The following MYO5A variants were observed in gnomAD, a reference collection of about 807,000 sequenced individuals.
MYO5A encodes myosin VA.
MYO5A carries 98 observed loss-of-function variants against 249.7 expected under a neutral mutation model. The observed-to-expected ratio is 0.39, with a 90% CI of 0.33 to 0.46. MYO5A has a LOEUF of 0.46. MYO5A is among the 20% of genes least tolerant of loss of function. The pLI is 0.98. For missense variants in MYO5A, 1,696 were observed against 2,308.8 expected, an observed-to-expected ratio of 0.73 and a Z score of 5.44; for synonymous variants, 778 against 810.6, an observed-to-expected ratio of 0.96 and a Z score of 0.68.
chr15:52,466,268 TG>T (rs1327454691), intron 1 of MYO5A, among the ~76,000 whole-genome samples: 1 of 152,002 alleles, frequency 6.6e-6, no homozygotes, highest in Non-Finnish European at 1.5e-5. Context: ...GGCTGGGGCT[TG>T]GGGAACTGAA....
intron 1 of MYO5A, among the ~76,000 whole-genome samples, chr15:52,489,340 G>A (rs903899439): frequency 6.6e-6 from 1 of 152,116 alleles, no homozygotes; most frequent in Non-Finnish European, 1.5e-5. Context: ...CGGGGCGGGC[G>A]GATCACGAGG....
At chr15:52,318,234 T>C (rs568674521) in intron 39 of MYO5A, among the ~76,000 whole-genome samples, 1 of 151,060 alleles carries the variant, frequency 6.6e-6, no homozygotes, top group South Asian at 2.1e-4. Flanking sequence ...GACAGGTGGA[T>C]CACCTGAGGT....
At chr15:52,399,459 T>G (rs1218175185) in intron 9 of MYO5A, among the ~76,000 whole-genome samples, 1 of 152,164 alleles carries the variant, frequency 6.6e-6, no homozygotes, top group Non-Finnish European at 1.5e-5. Flanking sequence ...GTGAATAAAA[T>G]CTTTATCATT....
intron 6 of MYO5A, among the ~76,000 whole-genome samples, chr15:52,409,304 T>C (rs577033752): frequency 6.6e-6 from 1 of 152,282 alleles, no homozygotes; most frequent in African/African-American, 2.4e-5. Context: ...CCCTTAGATC[T>C]ACCTCTGTTT....
Position 52,346,403 on chromosome 15 carries a change from C to T in MYO5A, c.3917G>A (p.Gly1306Asp), listed in dbSNP as rs983508058. Residue 1306 changes from glycine (G) to aspartate (D), a missense_variant, in exon 30 of 42, where the codon GGT becomes GAT. By Grantham distance (94) the Gly-to-Asp change is moderately conservative (BLOSUM62 -1). Around this residue, in one of 5 missense-constraint regions of MYO5A, gnomAD observed 625 missense variants for 908.1 expected, o/e 0.69. Transcript: ENST00000399233. ...ACCAATGTATGCTTGTGCTATTTCACCTTTATCTTTCATTTTTTGTACATC... is the reference window on the plus strand; with the variant it reads ...ACCAATGTATGCTTGTGCTATTTCATCTTTATCTTTCATTTTTTGTACATC... ...LEDVQKMKDK[G>D]EIAQAYIGLK... is the part of the protein sequence containing the mutation. 7 of 1,607,844 alleles carry T rather than the reference C, an allele frequency of 4.4e-6. No individual in the cohort carries two copies. The highest frequency in any genetic ancestry group is 1.7e-5 in the Admixed American group (1 of 59,982).
At chr15:52,433,123 T>C (rs1046975257) in intron 2 of MYO5A, 52 bp downstream of exon 2, 1 of 1,309,876 alleles carries the variant, frequency 7.6e-7, no homozygotes, top group Non-Finnish European at 1.1e-6. Flanking sequence ...ATTTACACTT[T>C]TGAACTCCCT....
rs2037846239 is a variant in MYO5A at position 52,313,408 on chromosome 15, TCTC to T, written c.*285_*287del. ...ATGCTGCCAGCTGAAGACACATTTTTCTCCTCCTTTCCTTCCTCCCTTCCTTCC... is the reference window on the plus strand; with the variant it reads ...ATGCTGCCAGCTGAAGACACATTTTTCTCCTTTCCTTCCTCCCTTCCTTCC... On this transcript the variant is annotated 3_prime_UTR_variant, in exon 42 of 42. Transcript: ENST00000399233. 2 of 408,420 alleles carry T rather than the reference TCTC, an allele frequency of 4.9e-6. No individual in the cohort carries two copies. The highest frequency in any genetic ancestry group is 9.1e-6 in the Non-Finnish European group (2 of 218,628). 25.3% of individuals were successfully genotyped at this position (408,420 alleles called of 1,614,324 possible). A position where few individuals can be genotyped will look rare whatever the true frequency, so the allele number is the denominator to read the frequency against.
At chr15:52,343,945 T>C (rs1254465404) in intron 30 of MYO5A, among the ~76,000 whole-genome samples, 3 of 152,220 alleles carry the variant, frequency 2.0e-5, no homozygotes, top group African/African-American at 7.2e-5. Flanking sequence ...TCTACATTCT[T>C]TCCACATGTA....
At chr15:52,502,223 C>CA (rs2077174086) in intron 1 of MYO5A, among the ~76,000 whole-genome samples, 2 of 152,082 alleles carry the variant, frequency 1.3e-5, no homozygotes, top group Admixed American at 1.3e-4. Context: ...TCAGAGGTTA[C>CA]AGTGAGCCAA....
intron 1 of MYO5A, among the ~76,000 whole-genome samples, chr15:52,448,813 C>T (rs1173427649): frequency 6.6e-6 from 1 of 152,076 alleles, no homozygotes; most frequent in African/African-American, 2.4e-5. Flanking sequence ...TTCCCTTAAC[C>T]TTCTGCCATG....
chr15:52,451,930 C>A (rs150541002), intron 1 of MYO5A, among the ~76,000 whole-genome samples: 69 of 152,308 alleles, frequency 4.5e-4, no homozygotes, highest in African/African-American at 1.5e-3. Context: ...CTGATGCCCA[C>A]AGCCCAACAT....
chr15:52,422,391 C>T (rs1367090301), intron 4 of MYO5A, among the ~76,000 whole-genome samples: 1 of 152,118 alleles, frequency 6.6e-6, no homozygotes, highest in Non-Finnish European at 1.5e-5. Context: ...ACTCTGCTCC[C>T]TTCCCCCTAC....
chr15:52,469,351 C>T (rs541233362), intron 1 of MYO5A, among the ~76,000 whole-genome samples: 103 of 151,998 alleles, frequency 6.8e-4, no homozygotes, highest in Non-Finnish European at 7.7e-4. Flanking sequence ...CATATTTTTA[C>T]AATAAAGTAA....
At chr15:52,340,421 GGGGAGACGA>G in intron 31 of MYO5A, 27 bp from the exon 32 acceptor site, 1 of 1,605,640 alleles carries the variant, frequency 6.2e-7, no homozygotes, top group South Asian at 1.1e-5. Context: ...TGGGTCGGAA[GGGGAGACGA>G]CACCCCGAGT....
In MYO5A at chr15:52,376,418, T is replaced by C; in HGVS notation, c.2349A>G (p.Arg783=). 1 of 1,614,168 alleles carries C rather than the reference T, an allele frequency of 6.2e-7. No individual in the cohort carries two copies. The highest frequency in any genetic ancestry group is 2.2e-5 in the East Asian group (1 of 44,862). Residue 783 remains arginine, a synonymous_variant, in exon 19 of 42, where the codon AGA becomes AGG. Coordinates refer to ENST00000399233, the MANE Select transcript of MYO5A (RefSeq NM_001382347.1). The stretch of plus-strand genomic sequence containing the variant: ...CCTTCCGCATGCGTAGGTACTTCTT[T>C]CTCAGCAGCCACCCTCGGATGGTCT... The part of the protein sequence containing the change: ...IQKTIRGWLL[R]KKYLRMRKAA...
intron 1 of MYO5A, among the ~76,000 whole-genome samples, chr15:52,442,148 T>C (rs147585566): frequency 5.6e-4 from 86 of 152,228 alleles, no homozygotes; most frequent in African/African-American, 1.9e-3. Flanking sequence ...TTCATGTTCA[T>C]GTGTTTAGAG....
At chr15:52,430,937 T>TA (rs997638753) in intron 2 of MYO5A, among the ~76,000 whole-genome samples, 5 of 151,752 alleles carry the variant, frequency 3.3e-5, no homozygotes, top group Admixed American at 2.6e-4. Flanking sequence ...TTATTTTTTT[T>TA]AAAAAAAGTC....
Position 52,346,437 on chromosome 15 carries a change from G to C in MYO5A, c.3883C>G (p.Leu1295Val), listed in dbSNP as rs2039631331. 1.2e-6 allele frequency: 2 copies of C among 1,600,116 alleles called. No homozygotes were observed. The highest frequency in any genetic ancestry group is 1.7e-6 in the Non-Finnish European group (2 of 1,167,734). The change falls in exon 30 of 42, where the codon CTT (leucine) becomes GTT (valine). Residue 1295 changes from leucine to valine, a missense_variant. This residue lies in a region of MYO5A where 625 missense variants were observed against 908.1 expected (regional missense o/e 0.69). Transcript: ENST00000399233. ...DKNTMTDSTI[L>V]LEDVQKMKDK... ...TTCATTTTTTGTACATCTTCCAAAA[G>C]TATTGTGGAATCTGTCATTGTATTC...
At chr15:52,441,975 G>A (rs903979441) in intron 1 of MYO5A, among the ~76,000 whole-genome samples, 2 of 152,176 alleles carry the variant, frequency 1.3e-5, no homozygotes, top group Non-Finnish European at 2.9e-5. Flanking sequence ...CTTCTGAAAG[G>A]CTCTGTAATT....
Sources: gnomAD v4.1 joint callset for allele counts (sites outside exome capture counted in the v4.1 genomes callset) on GRCh38, gnomAD v4.1.1 for gene constraint, gnomAD v4.1.1 regional missense constraint, MANE v1.5 for transcripts, NCBI Gene and HGNC (gene_info 2026-07-23, HGNC 2026-07-21) for gene names.